The following RPS27A variants were observed in gnomAD, a reference collection of about 807,000 sequenced individuals.
RPS27A encodes the protein ribosomal protein S27a, also known as ubiquitin-ribosomal protein eS31 fusion protein.
RPS27A carries 1 observed loss-of-function variant against 18.9 expected under a neutral mutation model. The ratio of observed to expected loss-of-function variants is 0.05; its 90% CI spans 0.02 to 0.25. The LOEUF (loss-of-function observed/expected upper bound fraction) is 0.25. Among genes scored for constraint, RPS27A ranks in the 10% least tolerant of loss-of-function variants. The probability of loss-of-function intolerance (pLI) is 1.00; values close to 1 mark genes in which losing one functional copy is unlikely to be tolerated. For synonymous variants in RPS27A, 77 were observed against 63.7 expected, an observed-to-expected ratio of 1.21 and a Z score of -0.99; for missense variants, 123 against 187.4, an observed-to-expected ratio of 0.66 and a Z score of 2.01.
intron 4 of RPS27A, 66 bp downstream of exon 4, chr2:55,234,270 CTTT>C: frequency 8.2e-7 from 1 of 1,213,068 alleles, no homozygotes; most frequent in South Asian, 1.2e-5. Context: ...TTTTATTTTA[CTTT>C]TTTTGAGACA....
At chr2:55,234,460 C>T (rs1192872527) in intron 4 of RPS27A, 1 of 566,502 alleles carries the variant, frequency 1.8e-6, no homozygotes, top group Non-Finnish European at 3.1e-6. Context: ...CCGTGGCCTC[C>T]CAGCGCTGGG....
intron 4 of RPS27A, 27 bp from the exon 5 acceptor site, chr2:55,234,804 A>C: frequency 6.2e-7 from 1 of 1,611,610 alleles, no homozygotes; most frequent in Non-Finnish European, 8.5e-7. Context: ...GGAATCATGA[A>C]AGCTTGCTTC....
intron 5 of RPS27A, 163 bp downstream of exon 5, chr2:55,235,125 T>C (rs924775255): frequency 3.0e-5 from 25 of 841,188 alleles, no homozygotes; most frequent in Non-Finnish European, 4.5e-5. Context: ...CTTTCTGGGG[T>C]TTTTCCTGTT....
At position 55,233,769 on chromosome 2, in the gene RPS27A, C is replaced by A. The variant is rs546570839; in HGVS notation, c.104-350C>A. ...TCAGCCTCCCTATTAGTGGGGATTA[C>A]AGGCGTGCACCACCATGCCTGGCTA... On this transcript the variant is annotated intron_variant, in intron 3 of 5. Transcript: ENST00000272317. 19 of 469,542 alleles carry A rather than the reference C, an allele frequency of 4.0e-5. No homozygotes were observed. The East Asian group carries it at 7.7e-4, about 19-fold the overall frequency. The allele number at this position is 469,542 out of a possible 1,614,324, so 29.1% of individuals were successfully genotyped here.
chr2:55,235,662 G>A lies in RPS27A; in HGVS notation c.*85G>A. The A allele has an allele frequency of 6.9e-7, 1 of 1,441,536 alleles. No homozygotes were observed. The highest frequency in any genetic ancestry group is 2.3e-5 in the East Asian group (1 of 44,090). The allele number at this position is 1,441,536 out of a possible 1,614,324, so 89.3% of individuals were successfully genotyped here. Reference sequence around the variant, plus strand: ...AAGAATGGTTTTTAAGCACCAAATTGATGGTCACACCATTTCCTTTTAGTA... The same window carrying A: ...AAGAATGGTTTTTAAGCACCAAATTAATGGTCACACCATTTCCTTTTAGTA... On this transcript the variant is annotated 3_prime_UTR_variant, in exon 6 of 6. Coordinates refer to ENST00000272317, the MANE Select transcript of RPS27A (RefSeq NM_002954.6).
chr2:55,233,681 G>T, intron 3 of RPS27A: 2 of 517,926 alleles, frequency 3.9e-6, no homozygotes, highest in Non-Finnish European at 7.0e-6. Flanking sequence ...CCAGGCTGGA[G>T]TGCATTCGCT....
intron 4 of RPS27A, 124 bp from the exon 5 acceptor site, chr2:55,234,707 G>C (rs1675704609): frequency 1.8e-6 from 2 of 1,081,922 alleles, no homozygotes; most frequent in African/African-American, 3.1e-5. Flanking sequence ...TTGGGTTTGG[G>C]GGCTGCAAGA....
At chr2:55,233,327 T>A (rs765017267) in intron 2 of RPS27A, 36 bp from the exon 3 acceptor site, 3 of 1,547,268 alleles carry the variant, frequency 1.9e-6, no homozygotes, top group Non-Finnish European at 2.7e-6. Flanking sequence ...AGTTCCTTAA[T>A]GTGTAACCAA....
At chr2:55,235,333 A>G in intron 5 of RPS27A, 95 bp from the exon 6 acceptor site, 2 of 1,376,062 alleles carry the variant, frequency 1.5e-6, no homozygotes, top group Non-Finnish European at 2.1e-6. Flanking sequence ...AACCACCAGT[A>G]TTACACAGTT....
chr2:55,235,739 G>C lies in RPS27A; in HGVS notation c.*162G>C. 1.2e-6 allele frequency: 1 copy of C among 823,772 alleles called. No individual in the cohort carries two copies. The highest frequency in any genetic ancestry group is 2.0e-6 in the Non-Finnish European group (1 of 509,204). 51.0% of individuals were successfully genotyped at this position (823,772 alleles called of 1,614,324 possible). The stretch of plus-strand genomic sequence containing the variant: ...TTGCCTCTGGGGATTATGTGACCCA[G>C]TGGTTCTGTATACCTGCCAGGTGCC... On this transcript the variant is annotated 3_prime_UTR_variant, in exon 6 of 6. Coordinates refer to ENST00000272317, the MANE Select transcript of RPS27A (RefSeq NM_002954.6).
At chr2:55,233,697 C>G (rs12467868) in intron 3 of RPS27A, 160,836 of 498,248 alleles carry the variant, frequency 0.32, 29,055 homozygotes, top group Non-Finnish European at 0.38. Context: ...TCGCTTGTCC[C>G]GGCTTACTGC....
Position 55,235,578 on chromosome 2 carries a change from CTG to C in RPS27A, c.*3_*4del, listed in dbSNP as rs773878636. 1.6e-5 allele frequency: 25 copies of C among 1,600,942 alleles called. 1 individual carries two copies. The highest frequency in any genetic ancestry group is 1.1e-4 in the South Asian group (10 of 91,002). On this transcript the variant is annotated 3_prime_UTR_variant, in exon 6 of 6. Coordinates refer to ENST00000272317, the MANE Select transcript of RPS27A (RefSeq NM_002954.6). ...TTTCAACAAACCAGAAGACAAGTAA[CTG>C]TATGAGTTAATAAAAGACATGAACT... is the stretch of plus-strand genomic sequence containing the variant.
At chr2:55,232,749 A>C (rs1250568877) in intron 1 of RPS27A, 41 bp downstream of exon 1, 1 of 1,354,092 alleles carries the variant, frequency 7.4e-7, no homozygotes, top group African/African-American at 1.4e-5. Context: ...TTAGCACCCT[A>C]TGGTGCCTTC....
chr2:55,234,032 T>C, intron 3 of RPS27A, 87 bp from the exon 4 acceptor site: 1 of 849,776 alleles, frequency 1.2e-6, no homozygotes. Context: ...TAGTATCATG[T>C]ATTTGATTAA....
intron 5 of RPS27A, chr2:55,235,205 T>C (rs1675727786): frequency 1.4e-6 from 1 of 691,482 alleles, no homozygotes; most frequent in East Asian, 2.7e-5. Flanking sequence ...GTCTTTACCT[T>C]TGTCTACCAC....
At chr2:55,232,486 A>G (rs1675512749), upstream of RPS27A, 1 of 415,990 alleles carries the variant, frequency 2.4e-6, no homozygotes, top group East Asian at 5.1e-5. Flanking sequence ...CGTTGCTTAA[A>G]CCTACAGTTT....
chr2:55,234,367 T>A (rs1325800885), intron 4 of RPS27A, 163 bp downstream of exon 4: 2 of 652,232 alleles, frequency 3.1e-6, no homozygotes, highest in Non-Finnish European at 5.5e-6. Flanking sequence ...TCCTCCCACC[T>A]CAGCCTCCTG....
chr2:55,233,086 A>C, intron 2 of RPS27A: 1 of 649,768 alleles, frequency 1.5e-6, no homozygotes, highest in Non-Finnish European at 2.8e-6. Flanking sequence ...GGTTCCAGCT[A>C]GTTAGTTAAA....
At chr2:55,234,710 C>A in intron 4 of RPS27A, 121 bp from the exon 5 acceptor site, 1 of 1,128,458 alleles carries the variant, frequency 8.9e-7, no homozygotes, top group Non-Finnish European at 1.3e-6. Flanking sequence ...GGTTTGGGGG[C>A]TGCAAGATTC....
Sources: allele counts gnomAD v4.1 joint callset, GRCh38; gene constraint gnomAD v4.1.1; transcripts MANE v1.5; gene names NCBI Gene and HGNC (gene_info 2026-07-23, HGNC 2026-07-21).